PCDHGA4: variants seen among roughly 807,000 people sequenced by gnomAD.
PCDHGA4 encodes protocadherin gamma subfamily A, 4.
PCDHGA4 carries 38 observed loss-of-function variants against 54.6 expected under a neutral mutation model. That is an observed-to-expected ratio of 0.70 (90% confidence interval 0.54 to 0.91). The LOEUF is 0.91. PCDHGA4 is among the 40% of genes least tolerant of loss of function. The pLI is 0.00. For missense variants in PCDHGA4, 1,298 were observed against 1,220.9 expected (o/e 1.06, Z -0.94); for synonymous variants, 511 against 512.9 (o/e 1.00, Z 0.05).
intron 2 of PCDHGA4, 179 bp downstream of exon 2, chr5:141,495,044 T>C (rs2099758475): frequency 1.1e-6 from 1 of 944,572 alleles, no homozygotes; most frequent in Non-Finnish European, 1.3e-6. Flanking sequence ...AAGAGGCGAC[T>C]GCCCTGACTG....
In PCDHGA4 at chr5:141,491,357, T is replaced by C; in HGVS notation, c.2515-3450T>C. 6.2e-7 allele frequency: 1 copy of C among 1,614,144 alleles called. No homozygotes were observed. Among genetic ancestry groups the C allele is most frequent in the South Asian group, 1.1e-5 (1 of 91,080 alleles). On this transcript the variant is annotated intron_variant, in intron 1 of 3. Transcript: ENST00000571252. This position sits in a 1 kb window ranked among gnomAD's most constrained non-coding sequence, Gnocchi z 6.9. ...CTAGCGACCGTCAGTCTCTTATCCCTAGTCACCTTCACCTTTCTGTCAGCG... is the reference window on the plus strand; with the variant it reads ...CTAGCGACCGTCAGTCTCTTATCCCCAGTCACCTTCACCTTTCTGTCAGCG...
intron 1 of PCDHGA4, chr5:141,375,344 A>T: frequency 6.2e-7 from 1 of 1,613,836 alleles, no homozygotes; most frequent in South Asian, 1.1e-5. Context: ...GTACAACATC[A>T]CTGTGACAGC....
In PCDHGA4 at chr5:141,422,020, G is replaced by T. The variant is rs374562798; in HGVS notation, c.2514+64399G>T. The T allele has an allele frequency of 1.3e-5, 21 of 1,610,932 alleles. No individual in the cohort carries two copies. The East Asian group carries it at 3.8e-4, about 29-fold the overall frequency. On this transcript the variant is annotated intron_variant, in intron 1 of 3. Transcript: ENST00000571252. ...CAGCTCCGGAACTCGGGTGCTGATG[G>T]TTAATGCAACGGATCCAGACGAGGG...
intron 1 of PCDHGA4, chr5:141,367,919 A>G (rs1225899144): frequency 1.3e-5 from 2 of 152,164 alleles, no homozygotes; most frequent in Non-Finnish European, 2.9e-5. Flanking sequence ...AAAAAAAAGA[A>G]CTCAACTTAA....
At chr5:141,362,477 T>C (rs1269006896) in intron 1 of PCDHGA4, 2 of 1,613,938 alleles carry the variant, frequency 1.2e-6, no homozygotes, top group Admixed American at 1.7e-5. Context: ...CAAGATCTCG[T>C]CTGTGACAAT....
chr5:141,416,006 G>A, intron 1 of PCDHGA4: 1 of 253,216 alleles, frequency 3.9e-6, no homozygotes, highest in Non-Finnish European at 7.3e-6. Context: ...GGTCTGGTAA[G>A]AATAGGTAAG....
intron 1 of PCDHGA4, chr5:141,364,981 C>A (rs756594174): frequency 7.2e-5 from 116 of 1,613,766 alleles, no homozygotes; most frequent in Non-Finnish European, 8.6e-5. Context: ...CTTTAGATGG[C>A]GGAGACCCGG....
chr5:141,372,523 C>G, intron 1 of PCDHGA4: 1 of 1,614,018 alleles, frequency 6.2e-7, no homozygotes, highest in Non-Finnish European at 8.5e-7. Flanking sequence ...GTGATTCTGG[C>G]AATCTCCCTG....
intron 1 of PCDHGA4, chr5:141,430,857 A>G: frequency 1.3e-6 from 2 of 1,591,432 alleles, no homozygotes; most frequent in Non-Finnish European, 1.7e-6. Flanking sequence ...CAGATACGCT[A>G]TTCAGTTCCG....
intron 1 of PCDHGA4, among the ~76,000 whole-genome samples, chr5:141,451,106 G>A (rs1204327490): frequency 1.3e-5 from 2 of 152,164 alleles, no homozygotes; most frequent in African/African-American, 4.8e-5. Context: ...GGGATTACAG[G>A]CGTGAGCCAC....
intron 1 of PCDHGA4, chr5:141,403,602 G>A (rs761454619): frequency 5.0e-6 from 8 of 1,613,800 alleles, no homozygotes; most frequent in Non-Finnish European, 5.9e-6. Context: ...GCCTCGGATG[G>A]CGGCGAGCCG....
chr5:141,401,290 C>G (rs1460193254), intron 1 of PCDHGA4, among the ~76,000 whole-genome samples: 1 of 151,710 alleles, frequency 6.6e-6, no homozygotes, highest in South Asian at 2.1e-4. Context: ...TGCGGTGAGC[C>G]GAGATCACTC....
chr5:141,489,800 A>G lies in PCDHGA4; in HGVS notation c.2515-5007A>G. 6.2e-7 allele frequency: 1 copy of G among 1,614,166 alleles called. No homozygotes were observed. Among genetic ancestry groups the G allele is most frequent in the Non-Finnish European group, 8.5e-7 (1 of 1,179,994 alleles). On this transcript the variant is annotated intron_variant, in intron 1 of 3. Coordinates refer to ENST00000571252, the MANE Select transcript of PCDHGA4 (RefSeq NM_018917.4). This position sits in a 1 kb window ranked among gnomAD's most constrained non-coding sequence, Gnocchi z 4.5. ...TCTCTGAATGTGAAGACCCTAAAAG[A>G]TGGGAAGCCATTCCCAGAGCTGGTG...
chr5:141,413,298 G>A (rs1672233901), intron 1 of PCDHGA4: 3 of 1,613,950 alleles, frequency 1.9e-6, no homozygotes, highest in Non-Finnish European at 2.5e-6. Context: ...CAATTCCTGA[G>A]GAATTAGAGA....
chr5:141,378,114 A>C (rs1024564517), intron 1 of PCDHGA4: 2 of 152,284 alleles, frequency 1.3e-5, no homozygotes, highest in Non-Finnish European at 2.9e-5. Context: ...CAGCATAGTG[A>C]ACACGTATTT....
At chr5:141,497,465 G>A (rs189158903) in intron 2 of PCDHGA4, among the ~76,000 whole-genome samples, 1 of 152,024 alleles carries the variant, frequency 6.6e-6, no homozygotes, top group East Asian at 1.9e-4. Flanking sequence ...TTGGAGATAT[G>A]GAGGAGAAGG....
chr5:141,378,013 A>G (rs2150121328), intron 1 of PCDHGA4: 1 of 152,212 alleles, frequency 6.6e-6, no homozygotes, highest in East Asian at 1.9e-4. Context: ...AATAAGCTCT[A>G]CTTATATTAT....
intron 2 of PCDHGA4, among the ~76,000 whole-genome samples, chr5:141,496,347 T>C (rs1168306693): frequency 6.6e-6 from 1 of 152,198 alleles, no homozygotes; most frequent in Non-Finnish European, 1.5e-5. Context: ...TGGAGGAGTC[T>C]CAGAGCCCAG....
chr5:141,485,944 G>C lies in PCDHGA4; in HGVS notation c.2515-8863G>C, dbSNP rs2099621875. 1 of 1,613,998 alleles carries C rather than the reference G, an allele frequency of 6.2e-7. No homozygotes were observed. Reference sequence around the variant, plus strand: ...TTAGTGTGTTGGAGAGCGCACCAGCGGGCATGGTGCTCATCCAGCTCAATG... The same window carrying C: ...TTAGTGTGTTGGAGAGCGCACCAGCCGGCATGGTGCTCATCCAGCTCAATG... On this transcript the variant is annotated intron_variant, in intron 1 of 3. Transcript: ENST00000571252. This position sits in a 1 kb window ranked among gnomAD's most constrained non-coding sequence, Gnocchi z 5.7.
Sources: gnomAD v4.1 joint callset for allele counts (sites outside exome capture counted in the v4.1 genomes callset) on GRCh38, gnomAD v4.1.1 for gene constraint, Gnocchi (gnomAD v3.1) non-coding constraint, MANE v1.5 for transcripts, NCBI Gene and HGNC (gene_info 2026-07-23, HGNC 2026-07-21) for gene names.